Variants in GABRR2 observed in about 807,000 individuals in gnomAD.
GABRR2 encodes gamma-aminobutyric acid receptor subunit rho-2.
GABRR2 carries 36 observed loss-of-function variants against 47.0 expected under a neutral mutation model. The observed-to-expected ratio is 0.77, with a 90% CI of 0.59 to 1.01. The LOEUF is 1.01. Ranked by LOEUF, GABRR2 falls within the 50% of genes least tolerant of loss-of-function variation. The pLI is 0.00. For synonymous variants in GABRR2, 204 were observed against 227.5 expected (o/e 0.90, Z 0.93); for missense variants, 587 against 594.6 (o/e 0.99, Z 0.13).
intron 2 of GABRR2, among the ~76,000 whole-genome samples, chr6:89,290,997 C>A (rs1358065360): frequency 6.6e-6 from 1 of 152,188 alleles, no homozygotes; most frequent in Non-Finnish European, 1.5e-5. Flanking sequence ...CGTAAACGCA[C>A]TTTCACTAGG....
chr6:89,300,520 A>G (rs987579483), intron 1 of GABRR2, among the ~76,000 whole-genome samples: 3 of 151,964 alleles, frequency 2.0e-5, no homozygotes, highest in African/African-American at 4.8e-5. Flanking sequence ...AAAAGAAATG[A>G]CAAAGGGGAT....
intron 2 of GABRR2, among the ~76,000 whole-genome samples, chr6:89,276,340 G>C (rs1290312465): frequency 4.0e-5 from 6 of 151,780 alleles, no homozygotes; most frequent in Non-Finnish European, 8.8e-5. Flanking sequence ...CATTAAGATT[G>C]AGAGTTTCTG....
chr6:89,265,274 A>G (rs1259680338), intron 7 of GABRR2, among the ~76,000 whole-genome samples: 1 of 152,130 alleles, frequency 6.6e-6, no homozygotes, highest in Admixed American at 6.6e-5. Context: ...CCAGCAAATG[A>G]AGTTTTTGTA....
intron 8 of GABRR2, among the ~76,000 whole-genome samples, chr6:89,262,635 A>G (rs1356650361): frequency 6.6e-6 from 1 of 152,234 alleles, no homozygotes; most frequent in Non-Finnish European, 1.5e-5. Context: ...ACAATTTTTG[A>G]AAAGGCAACA....
intron 1 of GABRR2, among the ~76,000 whole-genome samples, chr6:89,312,375 G>T: frequency 6.6e-6 from 1 of 152,206 alleles, no homozygotes; most frequent in Admixed American, 6.5e-5. Flanking sequence ...GCTGCTGGGC[G>T]GAATCATTGT....
chr6:89,269,273 G>A, intron 3 of GABRR2, 39 bp from the exon 4 acceptor site: 11 of 1,521,620 alleles, frequency 7.2e-6, no homozygotes, highest in Non-Finnish European at 1.0e-5. Context: ...AAATGGCTTA[G>A]AAGGTTTTCT....
chr6:89,300,407 G>A lies in GABRR2; in HGVS notation c.114-542C>T, dbSNP rs538550952. 1.3e-5 allele frequency among the ~76,000 whole-genome samples: 2 copies of A among 152,164 alleles called. 1 individual carries two copies. The highest frequency in any genetic ancestry group is 4.2e-4 in the South Asian group (2 of 4,812). Reference sequence around the variant, plus strand: ...CACCTGTAGTCCCAGCTACTCAGGAGGCTAGGGCACAAGAATCACTTGAAC... The same window carrying A: ...CACCTGTAGTCCCAGCTACTCAGGAAGCTAGGGCACAAGAATCACTTGAAC... On this transcript the variant is annotated intron_variant, in intron 1 of 8. Transcript: ENST00000402938.
intron 2 of GABRR2, among the ~76,000 whole-genome samples, chr6:89,283,520 T>C (rs1259501867): frequency 2.6e-5 from 4 of 152,150 alleles, no homozygotes; most frequent in African/African-American, 9.7e-5. Context: ...AAAACCAATG[T>C]ACAGAAGAGT....
chr6:89,289,883 C>T (rs974143754), intron 2 of GABRR2, among the ~76,000 whole-genome samples: 3 of 152,174 alleles, frequency 2.0e-5, no homozygotes, highest in Non-Finnish European at 4.4e-5. Flanking sequence ...CCTCGTGCCA[C>T]GTCACAACAT....
chr6:89,304,652 A>G (rs1767521827), intron 1 of GABRR2, among the ~76,000 whole-genome samples: 1 of 152,284 alleles, frequency 6.6e-6, no homozygotes, highest in Non-Finnish European at 1.5e-5. Flanking sequence ...GCTTTTCAAA[A>G]GAAGACATAC....
intron 3 of GABRR2, chr6:89,270,437 CA>C (rs1774023018): frequency 6.6e-6 from 1 of 152,270 alleles, no homozygotes; most frequent in Admixed American, 6.5e-5. Context: ...ACACTCAGCA[CA>C]GACATCTGGG....
At chr6:89,311,782 T>C (rs1767686659) in intron 1 of GABRR2, among the ~76,000 whole-genome samples, 1 of 152,064 alleles carries the variant, frequency 6.6e-6, no homozygotes, top group Admixed American at 6.6e-5. Flanking sequence ...ATCATCCCCA[T>C]GGGGAAGGGC....
Position 89,278,940 on chromosome 6 carries a change from G to A in GABRR2, c.221-7218C>T, listed in dbSNP as rs573026713. ...TCATTCACCAACCTGGACTCAGGAA[G>A]CGGGCCCCTGAATTTCCTACTCCTG... On this transcript the variant is annotated intron_variant, in intron 2 of 8. Transcript: ENST00000402938. 2.0e-4 allele frequency among the ~76,000 whole-genome samples: 30 copies of A among 152,354 alleles called. No individual in the cohort carries two copies. In the South Asian group the frequency reaches 5.6e-3, roughly 28 times the overall value.
At chr6:89,265,504 C>CT (rs1773870036) in intron 7 of GABRR2, 109 bp downstream of exon 7, 2 of 1,251,024 alleles carry the variant, frequency 1.6e-6, no homozygotes, top group African/African-American at 1.5e-5. Context: ...CCTTCTGACT[C>CT]TAACAGCTCA....
chr6:89,302,188 C>T, intron 1 of GABRR2: 1 of 558,276 alleles, frequency 1.8e-6, no homozygotes. Context: ...AGCTGACCCT[C>T]TCGCTGGGCG....
At position 89,269,254 on chromosome 6, in the gene GABRR2, A is replaced by G. The variant is rs1448077156; in HGVS notation, c.289-20T>C. 2 of 1,598,960 alleles carry G rather than the reference A, an allele frequency of 1.3e-6. No individual in the cohort carries two copies. Among genetic ancestry groups the G allele is most frequent in the African/African-American group, 1.3e-5 (1 of 74,668 alleles). Reference sequence around the variant, plus strand: ...GAAGTCCTGTGGGAGCCGGGGTGAGACCAGACAAAAATGGCTTAGAAGGTT... The same window carrying G: ...GAAGTCCTGTGGGAGCCGGGGTGAGGCCAGACAAAAATGGCTTAGAAGGTT... On this transcript the variant is annotated intron_variant, in intron 3 of 8. Coordinates refer to ENST00000402938, the MANE Select transcript of GABRR2 (RefSeq NM_002043.5).
intron 2 of GABRR2, among the ~76,000 whole-genome samples, chr6:89,286,662 C>T (rs781218932): frequency 2.0e-5 from 3 of 151,920 alleles, no homozygotes; most frequent in African/African-American, 4.8e-5. Flanking sequence ...ATGGTGACCT[C>T]GATGGTCACC....
chr6:89,288,984 A>G (rs1253809298), intron 2 of GABRR2, among the ~76,000 whole-genome samples: 1 of 152,338 alleles, frequency 6.6e-6, no homozygotes, highest in South Asian at 2.1e-4. Flanking sequence ...CAATTAATCA[A>G]TAAGTGACTG....
At chr6:89,262,819 C>T (rs986043677) in intron 8 of GABRR2, among the ~76,000 whole-genome samples, 1 of 152,042 alleles carries the variant, frequency 6.6e-6, no homozygotes, top group African/African-American at 2.4e-5. Flanking sequence ...AGATGAACAC[C>T]CATTTTGATT....
Sources: gnomAD v4.1 joint callset for allele counts (sites outside exome capture counted in the v4.1 genomes callset) on GRCh38, gnomAD v4.1.1 for gene constraint, MANE v1.5 for transcripts, NCBI Gene and HGNC (gene_info 2026-07-23, HGNC 2026-07-21) for gene names.